The following GALNT17 variants were observed in gnomAD, a reference collection of about 807,000 sequenced individuals.
GALNT17 encodes polypeptide N-acetylgalactosaminyltransferase 17, also known as UDP-GalNAc:polypeptide N-acetylgalactosaminyltransferase-like 3.
A neutral mutation model predicts 63.7 loss-of-function variants in GALNT17; 29 were observed. That is an observed-to-expected ratio of 0.46 (90% CI 0.34 to 0.62). The LOEUF is 0.62. GALNT17 is among the 20% of genes least tolerant of loss of function. GALNT17 has a pLI of 0.01. For missense variants in GALNT17, 603 were observed against 799.6 expected (o/e 0.75, Z 2.97); for synonymous variants, 305 against 318.3 (o/e 0.96, Z 0.45).
At chr7:71,284,747 G>C (rs1401681453) in intron 1 of GALNT17, 1 of 152,122 alleles carries the variant, frequency 6.6e-6, no homozygotes, top group African/African-American at 2.4e-5. Context: ...AAGTTCTAGA[G>C]GCAGGGTTCT....
At chr7:71,678,656 G>A (rs1279818359) in intron 9 of GALNT17, among the ~76,000 whole-genome samples, 2 of 151,916 alleles carry the variant, frequency 1.3e-5, no homozygotes, top group Admixed American at 1.3e-4. Flanking sequence ...TTAGCTGGGC[G>A]TGGTGGTGGG....
chr7:71,325,643 CTT>C (rs374344946), intron 1 of GALNT17, among the ~76,000 whole-genome samples: 5 of 152,270 alleles, frequency 3.3e-5, no homozygotes, highest in East Asian at 1.9e-4. Context: ...AACCTTGACT[CTT>C]TTGTTTTGCC....
chr7:71,499,435 T>A lies in GALNT17; in HGVS notation c.963-71850T>A, dbSNP rs1398730758. On this transcript the variant is annotated intron_variant, in intron 5 of 10. Coordinates refer to ENST00000333538, the MANE Select transcript of GALNT17 (RefSeq NM_022479.3). ...ATAAAATCACATTTCTAATCTCAGA[T>A]GATGTTGATTTGTAGACATTATTGT... Among the ~76,000 whole-genome samples, 6 of 152,182 alleles carry A rather than the reference T, an allele frequency of 3.9e-5. 1 individual carries two copies. Among genetic ancestry groups the A allele is most frequent in the African/African-American group, 9.7e-5 (4 of 41,446 alleles).
chr7:71,227,106 G>C (rs1031017988), intron 1 of GALNT17, among the ~76,000 whole-genome samples: 1 of 149,910 alleles, frequency 6.7e-6, no homozygotes, highest in Non-Finnish European at 1.5e-5. Context: ...GGGAGGCCGA[G>C]GTGGGAGGAT....
At position 71,478,941 on chromosome 7, in the gene GALNT17, A is replaced by G. The variant is rs116120062; in HGVS notation, c.962+57836A>G. Among the ~76,000 whole-genome samples the G allele has an allele frequency of 4.8e-3, 724 of 152,302 alleles. 6 individuals carry two copies. The highest frequency in any genetic ancestry group is 0.016 in the African/African-American group (674 of 41,574). ...ATCCCTTTTCTCTGAAACTAGCTCA[A>G]TTTGGTTCTGGAGACCATAAGTAAA... On this transcript the variant is annotated intron_variant, in intron 5 of 10. Coordinates refer to ENST00000333538, the MANE Select transcript of GALNT17 (RefSeq NM_022479.3).
chr7:71,647,964 GGACA>G (rs1562721902), intron 6 of GALNT17, among the ~76,000 whole-genome samples: 1 of 152,120 alleles, frequency 6.6e-6, no homozygotes, highest in Non-Finnish European at 1.5e-5. Flanking sequence ...AACAGAATGT[GGACA>G]GAGGGACACA....
At chr7:71,297,233 C>T (rs182304374) in intron 1 of GALNT17, among the ~76,000 whole-genome samples, 13 of 152,272 alleles carry the variant, frequency 8.5e-5, no homozygotes, top group Non-Finnish European at 1.3e-4. Flanking sequence ...AGTCTCAAAG[C>T]TGATCTCATA....
intron 2 of GALNT17, among the ~76,000 whole-genome samples, chr7:71,375,714 C>G (rs980213802): frequency 3.3e-5 from 5 of 152,220 alleles, no homozygotes; most frequent in Admixed American, 3.3e-4. Context: ...GCCACTGCCC[C>G]CAGCCTTTGG....
chr7:71,628,739 T>C (rs943842102), intron 6 of GALNT17, among the ~76,000 whole-genome samples: 4 of 150,278 alleles, frequency 2.7e-5, no homozygotes, highest in African/African-American at 9.7e-5. Flanking sequence ...GAGACCAGCC[T>C]GGCCAACATG....
At chr7:71,218,563 C>T (rs569534906) in intron 1 of GALNT17, among the ~76,000 whole-genome samples, 1 of 152,086 alleles carries the variant, frequency 6.6e-6, no homozygotes, top group African/African-American at 2.4e-5. Context: ...GGTCCCCAAC[C>T]CCTGGGCCAC....
rs141171023 is a variant in GALNT17, at chr7:71,465,135, A to G, written c.962+44030A>G. ...CAGACATCTAGGTGGCAGCAAGGGTACAAGGATGTTGTGAAAATTCTTTTT... is the reference window on the plus strand; with the variant it reads ...CAGACATCTAGGTGGCAGCAAGGGTGCAAGGATGTTGTGAAAATTCTTTTT... On this transcript the variant is annotated intron_variant, in intron 5 of 10. Transcript: ENST00000333538. Among the ~76,000 whole-genome samples the G allele has an allele frequency of 4.0e-4, 61 of 152,336 alleles. No homozygotes were observed. The East Asian group carries it at 5.0e-3, about 13-fold the overall frequency.
chr7:71,396,793 A>G (rs1307870194), intron 3 of GALNT17, among the ~76,000 whole-genome samples: 1 of 152,088 alleles, frequency 6.6e-6, no homozygotes, highest in African/African-American at 2.4e-5. Flanking sequence ...CTCTTTCAAC[A>G]ATGTTTTATA....
At chr7:71,526,006 C>T (rs1788618199) in intron 5 of GALNT17, among the ~76,000 whole-genome samples, 1 of 151,970 alleles carries the variant, frequency 6.6e-6, no homozygotes, top group Admixed American at 6.6e-5. Flanking sequence ...TCCCAAAGTG[C>T]TGGGATTACA....
chr7:71,285,894 C>T (rs1790864390), intron 1 of GALNT17, among the ~76,000 whole-genome samples: 1 of 152,134 alleles, frequency 6.6e-6, no homozygotes, highest in African/African-American at 2.4e-5. Flanking sequence ...GAATTGAGGA[C>T]ATTATGAAGT....
At chr7:71,384,831 A>G (rs1402563950) in intron 2 of GALNT17, among the ~76,000 whole-genome samples, 1 of 152,146 alleles carries the variant, frequency 6.6e-6, no homozygotes, top group Non-Finnish European at 1.5e-5. Context: ...GTTCTTGACC[A>G]TGCAAGTCTA....
chr7:71,426,051 G>A (rs909885280), intron 5 of GALNT17, among the ~76,000 whole-genome samples: 1 of 152,182 alleles, frequency 6.6e-6, no homozygotes, highest in Non-Finnish European at 1.5e-5. Flanking sequence ...CATGAGAACA[G>A]CACCAAAGGG....
At chr7:71,381,650 A>G (rs1792849628) in intron 2 of GALNT17, among the ~76,000 whole-genome samples, 1 of 152,024 alleles carries the variant, frequency 6.6e-6, no homozygotes, top group Non-Finnish European at 1.5e-5. Flanking sequence ...GTGGTGGTGC[A>G]TGCCTGTAAT....
intron 9 of GALNT17, among the ~76,000 whole-genome samples, chr7:71,677,820 T>G (rs574631377): frequency 1.3e-5 from 2 of 152,144 alleles, no homozygotes; most frequent in East Asian, 3.9e-4. Context: ...CGGCCAAGGC[T>G]CACAGGTTTT....
chr7:71,596,404 G>A (rs1789887730), intron 6 of GALNT17, among the ~76,000 whole-genome samples: 2 of 152,052 alleles, frequency 1.3e-5, no homozygotes, highest in African/African-American at 4.8e-5. Flanking sequence ...ATCCATTTGA[G>A]AGGGAAAGGT....
Sources: allele counts gnomAD v4.1 joint callset (sites outside exome capture counted in the v4.1 genomes callset), GRCh38; gene constraint gnomAD v4.1.1; transcripts MANE v1.5; gene names NCBI Gene and HGNC (gene_info 2026-07-23, HGNC 2026-07-21).